Variants in RPS6KA2 observed in about 807,000 individuals in gnomAD.
The protein encoded by RPS6KA2 is ribosomal protein S6 kinase alpha-2.
RPS6KA2 carries 42 observed loss-of-function variants against 91.8 expected under a neutral mutation model. That is an observed-to-expected ratio of 0.46 (90% CI 0.36 to 0.59). RPS6KA2 has a LOEUF of 0.59. Among genes scored for constraint, RPS6KA2 ranks in the 20% least tolerant of loss-of-function variants. RPS6KA2 has a pLI of 0.00. For synonymous variants in RPS6KA2, 414 were observed against 393.6 expected, an observed-to-expected ratio of 1.05 and a Z score of -0.61; for missense variants, 798 against 978.5, an observed-to-expected ratio of 0.82 and a Z score of 2.46.
chr6:166,767,377 C>T lies in RPS6KA2; in HGVS notation c.123+90823G>A, dbSNP rs981732506. On this transcript the variant is annotated intron_variant, in intron 2 of 21. Transcript: ENST00000503859. The surrounding 1 kb of genome is among the most constrained non-coding windows in gnomAD (Gnocchi z 4.6). ...TCTAACCAAGACCACAAAGGCCGCG[C>T]GGATCAATGTGCTCCAGATCAATGC... Among the ~76,000 whole-genome samples, 30 of 152,186 alleles carry T rather than the reference C, an allele frequency of 2.0e-4. No individual in the cohort carries two copies. Among genetic ancestry groups the T allele is most frequent in the Admixed American group, 4.6e-4 (7 of 15,276 alleles).
At chr6:166,699,401 C>T (rs376143811) in intron 2 of RPS6KA2, among the ~76,000 whole-genome samples, 20 of 152,270 alleles carry the variant, frequency 1.3e-4, no homozygotes, top group African/African-American at 4.3e-4. Context: ...AAAAAACTTG[C>T]TTTCTGAGAA....
chr6:166,483,919 C>T (rs1157015095), intron 10 of RPS6KA2, among the ~76,000 whole-genome samples: 1 of 152,224 alleles, frequency 6.6e-6, no homozygotes, highest in Non-Finnish European at 1.5e-5. Flanking sequence ...GTGTGAAGTG[C>T]TAAGAGAATG....
At chr6:166,577,458 C>A (rs1784870280) in intron 1 of RPS6KA2, among the ~76,000 whole-genome samples, 1 of 152,178 alleles carries the variant, frequency 6.6e-6, no homozygotes, top group Non-Finnish European at 1.5e-5. Flanking sequence ...CCATGGGAAC[C>A]CACCTCTTGC....
chr6:166,564,617 C>T (rs575899415), intron 1 of RPS6KA2, among the ~76,000 whole-genome samples: 14 of 152,342 alleles, frequency 9.2e-5, no homozygotes, highest in South Asian at 4.1e-4. Flanking sequence ...AGGCATCTAT[C>T]TTGCACTTGC....
chr6:166,512,195 T>C (rs1033616468), intron 3 of RPS6KA2, among the ~76,000 whole-genome samples: 5 of 152,194 alleles, frequency 3.3e-5, no homozygotes, highest in Admixed American at 2.6e-4. Flanking sequence ...CAGGACATTA[T>C]GCTAAGTGAA....
At chr6:166,501,936 A>G (rs1782043010) in intron 6 of RPS6KA2, among the ~76,000 whole-genome samples, 1 of 152,206 alleles carries the variant, frequency 6.6e-6, no homozygotes, top group African/African-American at 2.4e-5. Context: ...CCCGGAGGAC[A>G]TTATGCTCGA....
rs1787733641 is a variant in RPS6KA2 at position 166,648,275 on chromosome 6, CGCAT to C, written c.124-109495_124-109492del. On this transcript the variant is annotated intron_variant, in intron 2 of 21. Transcript: ENST00000503859. This position sits in a 1 kb window ranked among gnomAD's most constrained non-coding sequence, Gnocchi z 4.8. ...GCACACACACTCATGTTCATACACA[CGCAT>C]GCACACAGTATGCACACACACGCAT... is the stretch of plus-strand genomic sequence containing the variant. 1.3e-5 allele frequency among the ~76,000 whole-genome samples: 2 copies of C among 151,414 alleles called. No homozygotes were observed. The highest frequency in any genetic ancestry group is 3.0e-5 in the Non-Finnish European group (2 of 67,794).
intron 2 of RPS6KA2, among the ~76,000 whole-genome samples, chr6:166,632,611 CA>C (rs34051695): frequency 0.19 from 22,919 of 119,264 alleles, 1,858 homozygotes; most frequent in East Asian, 0.33. Context: ...AACTCCATCT[CA>C]AAAAAAAAAA....
At chr6:166,837,481 G>A (rs1664053504) in intron 2 of RPS6KA2, among the ~76,000 whole-genome samples, 1 of 152,268 alleles carries the variant, frequency 6.6e-6, no homozygotes, top group Non-Finnish European at 1.5e-5. Flanking sequence ...GGGAAAAGGC[G>A]ACCGCAGGGT....
At chr6:166,716,987 C>A (rs138020149) in intron 2 of RPS6KA2, among the ~76,000 whole-genome samples, 1 of 152,364 alleles carries the variant, frequency 6.6e-6, no homozygotes, top group Non-Finnish European at 1.5e-5. Context: ...AAGGACCTTG[C>A]TCATGGCTGT....
At chr6:166,504,785 T>C (rs1468696301) in intron 5 of RPS6KA2, among the ~76,000 whole-genome samples, 173 bp from the exon 6 acceptor site, 3 of 152,128 alleles carry the variant, frequency 2.0e-5, no homozygotes, top group Non-Finnish European at 4.4e-5. Context: ...GAAAAGTGAG[T>C]TCCCTCTGCA....
At chr6:166,638,239 C>G (rs540405681) in intron 2 of RPS6KA2, among the ~76,000 whole-genome samples, 1 of 152,248 alleles carries the variant, frequency 6.6e-6, no homozygotes, top group Non-Finnish European at 1.5e-5. Flanking sequence ...AATCACTGTG[C>G]GCAAAATCCA....
At chr6:166,601,307 T>C (rs1785721465) in intron 1 of RPS6KA2, among the ~76,000 whole-genome samples, 1 of 152,240 alleles carries the variant, frequency 6.6e-6, no homozygotes, top group Admixed American at 6.5e-5. Flanking sequence ...TAAATCGACA[T>C]AGCACTCCAT....
intron 1 of RPS6KA2, among the ~76,000 whole-genome samples, chr6:166,604,469 G>A (rs1337554526): frequency 2.6e-5 from 4 of 152,094 alleles, no homozygotes; most frequent in Admixed American, 1.3e-4. Context: ...GTGCTTCCCC[G>A]CTGGGGTAAC....
intron 2 of RPS6KA2, among the ~76,000 whole-genome samples, chr6:166,761,133 G>A (rs575274989): frequency 6.6e-5 from 10 of 152,102 alleles, no homozygotes; most frequent in East Asian, 1.9e-4. Flanking sequence ...GTGCGATCTC[G>A]GCTCACTGCA....
At chr6:166,543,681 G>A (rs1169602484) in intron 1 of RPS6KA2, among the ~76,000 whole-genome samples, 1 of 152,144 alleles carries the variant, frequency 6.6e-6, no homozygotes, top group Non-Finnish European at 1.5e-5. Context: ...TTACCCCCTT[G>A]GAACCTCGTC....
intron 1 of RPS6KA2, among the ~76,000 whole-genome samples, chr6:166,624,056 A>C (rs1373280662): frequency 1.3e-5 from 2 of 152,180 alleles, no homozygotes; most frequent in Non-Finnish European, 2.9e-5. Context: ...GAAAAAAAAG[A>C]AGGAACTTTA....
chr6:166,657,503 A>G (rs892863751), intron 2 of RPS6KA2, among the ~76,000 whole-genome samples: 4 of 152,234 alleles, frequency 2.6e-5, no homozygotes, highest in African/African-American at 7.2e-5. Flanking sequence ...ATACGTCCTC[A>G]TTGCCTGAAA....
At chr6:166,680,995 C>T (rs905314189) in intron 2 of RPS6KA2, among the ~76,000 whole-genome samples, 1 of 152,216 alleles carries the variant, frequency 6.6e-6, no homozygotes, top group African/African-American at 2.4e-5. Context: ...GTGAGGACTG[C>T]TCTTTTTTAA....
Sources: gnomAD v4.1 joint callset for allele counts (sites outside exome capture counted in the v4.1 genomes callset) on GRCh38, gnomAD v4.1.1 for gene constraint, Gnocchi (gnomAD v3.1) non-coding constraint, MANE v1.5 for transcripts, NCBI Gene and HGNC (gene_info 2026-07-23, HGNC 2026-07-21) for gene names.